The following CDH13 variants were observed in gnomAD, a reference collection of about 807,000 sequenced individuals.
CDH13 encodes the protein cadherin 13.
CDH13 carries 24 observed loss-of-function variants against 63.8 expected under a neutral mutation model. That is an observed-to-expected ratio of 0.38 (90% confidence interval 0.27 to 0.53). CDH13 has a LOEUF of 0.53. CDH13 is among the 20% of genes least tolerant of loss of function. CDH13 has a pLI of 0.85. For missense variants in CDH13, 1,049 were observed against 903.1 expected, an observed-to-expected ratio of 1.16 and a Z score of -2.07; for synonymous variants, 503 against 355.3, an observed-to-expected ratio of 1.42 and a Z score of -4.67.
chr16:83,591,535 C>G (rs1906751629), intron 7 of CDH13, among the ~76,000 whole-genome samples: 1 of 152,168 alleles, frequency 6.6e-6, no homozygotes, highest in Admixed American at 6.5e-5. Context: ...ACTTGTGTCT[C>G]TTCACCTCAC....
chr16:83,417,509 C>G (rs570450785), intron 6 of CDH13, among the ~76,000 whole-genome samples: 1 of 152,158 alleles, frequency 6.6e-6, no homozygotes, highest in Non-Finnish European at 1.5e-5. Context: ...TCTTGCCTTT[C>G]CAATTTATCC....
chr16:83,763,817 C>T (rs543563078), intron 11 of CDH13, among the ~76,000 whole-genome samples: 1 of 152,208 alleles, frequency 6.6e-6, no homozygotes, highest in Non-Finnish European at 1.5e-5. Context: ...GACAAAATGG[C>T]CCAATAAAAG....
intron 1 of CDH13, among the ~76,000 whole-genome samples, chr16:82,789,624 T>C (rs1252021392): frequency 6.6e-6 from 1 of 152,238 alleles, no homozygotes; most frequent in Non-Finnish European, 1.5e-5. Flanking sequence ...AGGACACACC[T>C]GTTTCTACAA....
chr16:82,787,315 C>T (rs2036066078), intron 1 of CDH13, among the ~76,000 whole-genome samples: 1 of 152,180 alleles, frequency 6.6e-6, no homozygotes, highest in South Asian at 2.1e-4. Context: ...AAACAAACAA[C>T]TTTCCCTAAC....
chr16:83,281,166 T>A (rs1490016146), intron 5 of CDH13, among the ~76,000 whole-genome samples: 1 of 152,234 alleles, frequency 6.6e-6, no homozygotes, highest in Non-Finnish European at 1.5e-5. Flanking sequence ...TATTGTTTAG[T>A]GTAGCCACTT....
chr16:83,545,642 T>G (rs1480178973), intron 7 of CDH13, among the ~76,000 whole-genome samples: 2 of 152,162 alleles, frequency 1.3e-5, no homozygotes, highest in East Asian at 1.9e-4. Context: ...TTTTAATCCA[T>G]TAGCCATCTA....
intron 7 of CDH13, among the ~76,000 whole-genome samples, chr16:83,586,041 C>T (rs1052931428): frequency 7.9e-5 from 12 of 152,220 alleles, no homozygotes; most frequent in African/African-American, 2.9e-4. Context: ...TGAAGACCAA[C>T]TAAGGTAACC....
At chr16:82,703,174 A>T (rs1187855563) in intron 1 of CDH13, among the ~76,000 whole-genome samples, 2 of 151,856 alleles carry the variant, frequency 1.3e-5, no homozygotes, top group African/African-American at 4.9e-5. Context: ...ATTTATGCAC[A>T]CATAAACATA....
Position 82,833,771 on chromosome 16 carries a change from C to T in CDH13, c.46-24591C>T, listed in dbSNP as rs572061477. Among the ~76,000 whole-genome samples, 5 of 152,286 alleles carry T rather than the reference C, an allele frequency of 3.3e-5. No homozygotes were observed. In the South Asian group the frequency reaches 1.0e-3, roughly 32 times the overall value. On this transcript the variant is annotated intron_variant, in intron 1 of 13. Transcript: ENST00000567109. ...ACTGGGGTTGAAGGAAGCCCTGGCT[C>T]TGTGCAAGTCCACAGTACAGCAGCT...
chr16:82,912,859 C>G (rs935694530), intron 2 of CDH13, among the ~76,000 whole-genome samples: 1 of 151,328 alleles, frequency 6.6e-6, no homozygotes, highest in East Asian at 2.0e-4. Flanking sequence ...AGGAGAATGG[C>G]GTGAACCCGG....
chr16:83,699,118 A>G (rs1421813303), intron 10 of CDH13, among the ~76,000 whole-genome samples: 3 of 152,206 alleles, frequency 2.0e-5, no homozygotes, highest in Admixed American at 6.5e-5. Flanking sequence ...CCCTCGGCCA[A>G]TGTTTGCTAA....
intron 11 of CDH13, among the ~76,000 whole-genome samples, chr16:83,779,511 T>C (rs868520073): frequency 3.1e-4 from 47 of 151,564 alleles, no homozygotes; most frequent in African/African-American, 9.5e-4. Context: ...GTTAGTCTTG[T>C]TTGCAACTAT....
chr16:83,715,108 C>G (rs532891731), intron 10 of CDH13, among the ~76,000 whole-genome samples: 142 of 152,276 alleles, frequency 9.3e-4, no homozygotes, highest in African/African-American at 3.0e-3. Context: ...TGCCTTTGCT[C>G]ATAAATACCC....
intron 7 of CDH13, among the ~76,000 whole-genome samples, chr16:83,596,462 A>T (rs79525660): frequency 0.016 from 2,406 of 152,258 alleles, 64 homozygotes; most frequent in African/African-American, 0.055. Context: ...AGAGACAAAC[A>T]TGACAAGTGG....
Position 83,591,656 on chromosome 16 carries a change from A to C in CDH13, c.961-10798A>C, listed in dbSNP as rs959732799. On this transcript the variant is annotated intron_variant, in intron 7 of 13. Transcript: ENST00000567109. ...TCTCTCCCCTCACACCCATCCTTCA[A>C]AGCTCAGCTGCAGTCTTACATTAAC... 5.9e-5 allele frequency among the ~76,000 whole-genome samples: 9 copies of C among 152,130 alleles called. 1 individual carries two copies. Among genetic ancestry groups the C allele is most frequent in the African/African-American group, 2.2e-4 (9 of 41,420 alleles).
intron 6 of CDH13, among the ~76,000 whole-genome samples, chr16:83,346,042 TC>T (rs1318294539): frequency 2.0e-4 from 31 of 152,220 alleles, no homozygotes; most frequent in Admixed American, 2.0e-3. Flanking sequence ...GCCTAAAACC[TC>T]CCGTCAGCTT....
At chr16:82,930,294 G>T (rs1185780807) in intron 2 of CDH13, among the ~76,000 whole-genome samples, 4 of 151,992 alleles carry the variant, frequency 2.6e-5, no homozygotes, top group Non-Finnish European at 5.9e-5. Flanking sequence ...TATGTAAATG[G>T]AATCATAGAG....
chr16:83,301,917 T>C (rs1223580028), intron 5 of CDH13, among the ~76,000 whole-genome samples: 2 of 151,562 alleles, frequency 1.3e-5, no homozygotes, highest in Non-Finnish European at 2.9e-5. Flanking sequence ...CTTAAGAAAA[T>C]TGGAAGAAAT....
intron 2 of CDH13, among the ~76,000 whole-genome samples, chr16:82,995,699 A>G (rs577591812): frequency 9.9e-5 from 15 of 152,166 alleles, no homozygotes; most frequent in African/African-American, 3.4e-4. Context: ...AATAGATGTG[A>G]TACTTCTCCC....
Sources: gnomAD v4.1 joint callset for allele counts (sites outside exome capture counted in the v4.1 genomes callset) on GRCh38, gnomAD v4.1.1 for gene constraint, MANE v1.5 for transcripts, NCBI Gene and HGNC (gene_info 2026-07-23, HGNC 2026-07-21) for gene names.